DIDO1: variants seen among roughly 807,000 people sequenced by gnomAD.
The protein encoded by DIDO1 is death inducer-obliterator 1.
In DIDO1, 16 loss-of-function variants were observed where a neutral mutation model predicts 99.4. The observed-to-expected ratio is 0.16, with a 90% CI of 0.11 to 0.24. The LOEUF (loss-of-function observed/expected upper bound fraction) is 0.24, where lower values mean the gene tolerates loss of function less well. DIDO1 is among the 10% of genes least tolerant of loss of function. The probability of loss-of-function intolerance (pLI) is 1.00; values close to 1 mark genes in which losing one functional copy is unlikely to be tolerated. For missense variants in DIDO1, 2,996 were observed against 3,014.0 expected, an observed-to-expected ratio of 0.99 and a Z score of 0.14; for synonymous variants, 1,366 against 1,239.1, an observed-to-expected ratio of 1.10 and a Z score of -2.15.
chr20:62,887,151 A>G (rs2064309635), intron 15 of DIDO1: 1 of 985,492 alleles, frequency 1.0e-6, no homozygotes, highest in Non-Finnish European at 1.2e-6. Flanking sequence ...GAAAGCAAAC[A>G]GGGGCCTAGG....
intron 6 of DIDO1, chr20:62,904,862 G>C (rs1353600340): frequency 2.6e-6 from 1 of 390,642 alleles, no homozygotes; most frequent in Non-Finnish European, 3.5e-6. Context: ...GCCTGCATGA[G>C]TGCCTTCCCT....
chr20:62,908,710 G>T (rs556807265), intron 4 of DIDO1, among the ~76,000 whole-genome samples: 1 of 152,076 alleles, frequency 6.6e-6, no homozygotes, highest in South Asian at 2.1e-4. Flanking sequence ...ATTAAAAAAA[G>T]ATGTTGGGCG....
intron 1 of DIDO1, among the ~76,000 whole-genome samples, chr20:62,935,336 ATATT>A (rs79567895): frequency 0.029 from 4,477 of 152,296 alleles, 81 homozygotes; most frequent in African/African-American, 0.045. Flanking sequence ...CAACAAATAA[ATATT>A]TATGGAGCTC....
intron 15 of DIDO1, chr20:62,890,534 G>A: frequency 1.0e-6 from 1 of 1,004,720 alleles, no homozygotes; most frequent in Non-Finnish European, 1.2e-6. Flanking sequence ...TAAGTCTCCT[G>A]GAAATCCATC....
chr20:62,884,719 C>T (rs1201999067), intron 15 of DIDO1, among the ~76,000 whole-genome samples: 1 of 152,222 alleles, frequency 6.6e-6, no homozygotes, highest in African/African-American at 2.4e-5. Context: ...CCACGGGACA[C>T]TTCCTCCCTC....
rs373199429 is a variant in DIDO1 at position 62,892,797 on chromosome 20, C to T, written c.3255+12G>A. ...AGACACACACACGCACACACATTTT[C>T]TTGGTTCTAACCTCACTGAGGTAAT... On this transcript the variant is annotated intron_variant, in intron 13 of 15. Transcript: ENST00000395343. 1.2e-5 allele frequency: 19 copies of T among 1,602,702 alleles called. No individual in the cohort carries two copies. The African/African-American group carries it at 2.3e-4, about 19-fold the overall frequency.
At position 62,881,382 on chromosome 20, in the gene DIDO1, G is replaced by T. The variant is rs759108941; in HGVS notation, c.4574C>A (p.Pro1525Gln). The T allele has an allele frequency of 5.0e-6, 8 of 1,607,106 alleles. No homozygotes were observed. The highest frequency in any genetic ancestry group is 6.8e-6 in the Non-Finnish European group (8 of 1,179,904). The change falls in exon 16 of 16, where the codon CCA becomes CAA. Residue 1525 changes from proline to glutamine, a missense_variant. Coordinates refer to ENST00000395343, the MANE Select transcript of DIDO1 (RefSeq NM_001193369.2). This position sits in a 1 kb window ranked among gnomAD's most constrained non-coding sequence, Gnocchi z 8.3. ...SVSDALMSPP[P>Q]KSSLPKAELF... is the part of the protein sequence containing the mutation. ...CTCTGCCTTGGGCAAGGACGACTTT[G>T]GTGGTGGAGACATCAAGGCGTCCGA...
intron 1 of DIDO1, among the ~76,000 whole-genome samples, chr20:62,920,049 C>T (rs947405406): frequency 2.0e-5 from 3 of 152,194 alleles, no homozygotes; most frequent in Non-Finnish European, 4.4e-5. Context: ...AAGATACGGT[C>T]CCAATTCTAC....
intron 6 of DIDO1, among the ~76,000 whole-genome samples, chr20:62,900,241 C>T (rs1223133162): frequency 6.6e-6 from 1 of 152,240 alleles, no homozygotes; most frequent in South Asian, 2.1e-4. Context: ...CCTTTAGCTC[C>T]CACATTCTGG....
chr20:62,901,381 C>G (rs980352269), intron 6 of DIDO1, among the ~76,000 whole-genome samples: 1 of 152,226 alleles, frequency 6.6e-6, no homozygotes, highest in Non-Finnish European at 1.5e-5. Context: ...GATGGACGTT[C>G]CACTCAACTG....
intron 1 of DIDO1, 115 bp downstream of exon 1, chr20:62,926,324 G>C (rs1475142750): frequency 6.6e-6 from 1 of 151,642 alleles, no homozygotes; most frequent in Admixed American, 6.6e-5. Context: ...GGCCTGTGCG[G>C]GATCCGCGGC....
Position 62,879,934 on chromosome 20 carries a change from G to C in DIDO1, c.6022C>G (p.Arg2008Gly), listed in dbSNP as rs1184029319. The C allele has an allele frequency of 1.3e-6, 2 of 1,598,810 alleles. No individual in the cohort carries two copies. Among genetic ancestry groups the C allele is most frequent in the Non-Finnish European group, 1.7e-6 (2 of 1,174,354 alleles). The change falls in exon 16 of 16, where the codon CGA becomes GGA. Residue 2008 changes from arginine (R) to glycine (G), a missense_variant. Around this residue, in one of 5 missense-constraint regions of DIDO1, gnomAD observed 1,562 missense variants for 1,412.6 expected, o/e 1.11. Coordinates refer to ENST00000395343, the MANE Select transcript of DIDO1 (RefSeq NM_001193369.2). This position sits in a 1 kb window ranked among gnomAD's most constrained non-coding sequence, Gnocchi z 6.3. Reference protein sequence around the residue: ...FSEKNEQTPSRFHFQGQAPQV... With the variant: ...FSEKNEQTPSGFHFQGQAPQV... ...GGGGCCTGGCCCTGGAAGTGAAATC[G>C]CGAAGGGGTCTGCTCATTTTTTTCA...
At chr20:62,893,478 AT>A (rs1310208738) in intron 12 of DIDO1, among the ~76,000 whole-genome samples, 187 bp downstream of exon 12, 11 of 152,358 alleles carry the variant, frequency 7.2e-5, no homozygotes, top group Non-Finnish European at 8.8e-5. Context: ...TTAAATGTCA[AT>A]TTCTAAGATC....
intron 2 of DIDO1, among the ~76,000 whole-genome samples, chr20:62,913,799 G>A (rs2064991249): frequency 6.6e-6 from 1 of 152,218 alleles, no homozygotes; most frequent in Non-Finnish European, 1.5e-5. Context: ...ATCCATGCTG[G>A]TAGCTTTCTA....
chr20:62,905,558 T>C, intron 6 of DIDO1: 4 of 1,551,062 alleles, frequency 2.6e-6, no homozygotes, highest in Non-Finnish European at 3.5e-6. Flanking sequence ...AGTGTGGCTA[T>C]GCAATCAGAC....
chr20:62,897,446 G>A (rs558796757), intron 6 of DIDO1, among the ~76,000 whole-genome samples: 6 of 152,336 alleles, frequency 3.9e-5, no homozygotes, highest in Non-Finnish European at 7.3e-5. Flanking sequence ...TTAGCCCGGT[G>A]GGTGGGGTTT....
rs1600904040 is a variant in DIDO1 at position 62,882,167 on chromosome 20, A to C, written c.3789T>G (p.Pro1263=). ...CCGGTGGTTCTGGAAGAGGGGGCGG[A>C]GGCGGCGGCGACCCAGGAGGTGTGG... The part of the protein sequence containing the change: ...VSTTPPGSPP[P]PPPLPEPPVL... Residue 1263 remains proline, a synonymous_variant, in exon 16 of 16, where the codon CCT becomes CCG. Coordinates refer to ENST00000395343, the MANE Select transcript of DIDO1 (RefSeq NM_001193369.2). 1 of 1,613,124 alleles carries C rather than the reference A, an allele frequency of 6.2e-7. No homozygotes were observed. Among genetic ancestry groups the C allele is most frequent in the Non-Finnish European group, 8.5e-7 (1 of 1,179,996 alleles).
upstream of DIDO1, among the ~76,000 whole-genome samples, chr20:62,926,808 A>G (rs892487090): frequency 6.6e-6 from 1 of 152,238 alleles, no homozygotes; most frequent in Admixed American, 6.5e-5. Context: ...GCTAGCCCCG[A>G]GGGACTGCAC....
chr20:62,914,720 G>A (rs926135991), intron 1 of DIDO1, among the ~76,000 whole-genome samples: 3 of 152,182 alleles, frequency 2.0e-5, no homozygotes, highest in African/African-American at 7.2e-5. Context: ...CCAAGCATCA[G>A]CTTCTTTTCC....
Sources: allele counts gnomAD v4.1 joint callset (sites outside exome capture counted in the v4.1 genomes callset), GRCh38; gene constraint gnomAD v4.1.1; regional missense constraint gnomAD v4.1.1; non-coding constraint Gnocchi (gnomAD v3.1); transcripts MANE v1.5; gene names NCBI Gene and HGNC (gene_info 2026-07-23, HGNC 2026-07-21).